Variants in NFIB observed in about 807,000 individuals in gnomAD.
The protein encoded by NFIB is nuclear factor 1 B-type.
In NFIB, 11 loss-of-function variants were observed where a neutral mutation model predicts 61.5. That is an observed-to-expected ratio of 0.18 (90% confidence interval 0.11 to 0.30). The LOEUF is 0.30. NFIB is among the 10% of genes least tolerant of loss of function. The probability of loss-of-function intolerance (pLI) is 1.00; values close to 1 mark genes in which losing one functional copy is unlikely to be tolerated. For synonymous variants in NFIB, 260 were observed against 216.5 expected (o/e 1.20, Z -1.76); for missense variants, 471 against 608.9 (o/e 0.77, Z 2.38).
the NFIB span, among the ~76,000 whole-genome samples, chr9:14,415,404 T>G: frequency 6.6e-6 from 1 of 152,186 alleles, no homozygotes; most frequent in Non-Finnish European, 1.5e-5. Context: ...TGTAACATAA[T>G]CACATGAATG....
chr9:14,235,987 TTTG>T (rs1463382394), intron 2 of NFIB, among the ~76,000 whole-genome samples: 1 of 152,204 alleles, frequency 6.6e-6, no homozygotes, highest in Non-Finnish European at 1.5e-5. Flanking sequence ...AAAAGCAGAT[TTTG>T]ATGGAAGACA....
chr9:14,491,947 G>A, the NFIB span, among the ~76,000 whole-genome samples: 1,198 of 152,248 alleles, frequency 7.9e-3, 26 homozygotes, highest in African/African-American at 0.027. Flanking sequence ...GCACCTCACA[G>A]TTTATACATC....
intron 2 of NFIB, among the ~76,000 whole-genome samples, chr9:14,234,601 C>G (rs1223506706): frequency 6.6e-6 from 1 of 151,988 alleles, no homozygotes. Flanking sequence ...AACTCTTGAC[C>G]TCTGCCCACC....
Position 14,083,778 on chromosome 9 carries a change from T to C in NFIB, c.*4531A>G, listed in dbSNP as rs1169505589. The C allele has an allele frequency of 4.4e-6, 1 of 226,486 alleles. No individual in the cohort carries two copies. Among genetic ancestry groups the C allele is most frequent in the Admixed American group, 5.7e-5 (1 of 17,546 alleles). 14.0% of individuals were successfully genotyped at this position (226,486 alleles called of 1,614,324 possible). A position where few individuals can be genotyped will look rare whatever the true frequency, so the allele number is the denominator to read the frequency against. On this transcript the variant is annotated 3_prime_UTR_variant, in exon 11 of 11. Transcript: ENST00000380953. ...CCGCTGAAGATGTCCCTGTGCAATC[T>C]CTTTCGTTGAGTCCTTATGAAGCTA...
the NFIB span, among the ~76,000 whole-genome samples, chr9:14,497,066 C>T: frequency 7.9e-5 from 12 of 152,284 alleles, no homozygotes; most frequent in African/African-American, 1.2e-4. Context: ...CACAAAGTCA[C>T]GAGAACCTGC....
At chr9:14,113,907 A>C (rs1266318075) in intron 9 of NFIB, among the ~76,000 whole-genome samples, 2 of 152,150 alleles carry the variant, frequency 1.3e-5, no homozygotes, top group African/African-American at 4.8e-5. Flanking sequence ...ACACACAAAA[A>C]AAAAATGAAT....
rs181660836 is a variant in NFIB, at chr9:14,249,204, T to A, written c.562+57785A>T. Among the ~76,000 whole-genome samples the A allele has an allele frequency of 1.6e-4, 25 of 152,258 alleles. No homozygotes were observed. The East Asian group carries it at 3.9e-3, about 24-fold the overall frequency. ...AATATTTCAAATTTAGTATTTCCAA[T>A]TACATAAACTGAGGATGGGGGTAGA... On this transcript the variant is annotated intron_variant, in intron 2 of 10. Transcript: ENST00000380953.
At position 14,354,898 on chromosome 9, in the gene NFIB, C is replaced by T. The variant is rs550799554; in HGVS notation, c.108+43626G>A. On this transcript the variant is annotated intron_variant, in intron 1 of 8. Transcript: ENST00000380934. ...GTGAAGGGAGTGTGTAGCCCTTGTC[C>T]TGTTGTGAACACTGTCACTATTCCT... 7.9e-5 allele frequency among the ~76,000 whole-genome samples: 12 copies of T among 151,656 alleles called. No homozygotes were observed. In the South Asian group the frequency reaches 2.3e-3, roughly 29 times the overall value.
At chr9:14,216,306 AG>A (rs1421456455) in intron 2 of NFIB, among the ~76,000 whole-genome samples, 1 of 152,176 alleles carries the variant, frequency 6.6e-6, no homozygotes, top group Non-Finnish European at 1.5e-5. Context: ...CCCACTGGAA[AG>A]GTGTGCATTA....
intron 2 of NFIB, among the ~76,000 whole-genome samples, chr9:14,298,227 T>G (rs2059554796): frequency 1.3e-5 from 2 of 152,162 alleles, no homozygotes; most frequent in Admixed American, 1.3e-4. Flanking sequence ...GTATACAGAT[T>G]TTTTCAGTAC....
At chr9:14,288,812 G>A (rs1000367146) in intron 2 of NFIB, among the ~76,000 whole-genome samples, 4 of 151,856 alleles carry the variant, frequency 2.6e-5, no homozygotes, top group Admixed American at 6.6e-5. Flanking sequence ...GTATTTCACC[G>A]TTTTTTCCTA....
At chr9:14,469,014 ACAGG>A in the NFIB span, among the ~76,000 whole-genome samples, 9 of 152,220 alleles carry the variant, frequency 5.9e-5, no homozygotes, top group African/African-American at 2.2e-4. Flanking sequence ...TGTGTCTGGG[ACAGG>A]CAGGCAGGCA....
At chr9:14,237,784 G>A (rs1207549516) in intron 2 of NFIB, among the ~76,000 whole-genome samples, 2 of 105,846 alleles carry the variant, frequency 1.9e-5, no homozygotes, top group African/African-American at 2.8e-5. Context: ...GTGTGTGTGT[G>A]TGTGTGTGTG....
intron 3 of NFIB, among the ~76,000 whole-genome samples, chr9:14,173,861 C>A (rs1796694461): frequency 6.6e-6 from 1 of 152,114 alleles, no homozygotes. Context: ...TTGACTCTTT[C>A]ACATTAAGTA....
At chr9:14,242,024 CA>C (rs922869786) in intron 2 of NFIB, among the ~76,000 whole-genome samples, 2 of 151,630 alleles carry the variant, frequency 1.3e-5, no homozygotes, top group Non-Finnish European at 2.9e-5. Context: ...TTTGAAAAGG[CA>C]AAAAAAATTC....
At chr9:14,273,993 T>C (rs1170287166) in intron 2 of NFIB, among the ~76,000 whole-genome samples, 1 of 152,112 alleles carries the variant, frequency 6.6e-6, no homozygotes, top group East Asian at 1.9e-4. Context: ...TGAGATCACA[T>C]CAGTGAGCAA....
upstream of NFIB, among the ~76,000 whole-genome samples, chr9:14,318,290 C>T (rs56327225): frequency 0.011 from 1,715 of 152,256 alleles, 22 homozygotes; most frequent in Non-Finnish European, 0.017. Flanking sequence ...TTTTTCAAAA[C>T]CCAGTTGTAT....
At chr9:14,246,521 C>G (rs2054946949) in intron 2 of NFIB, among the ~76,000 whole-genome samples, 1 of 152,184 alleles carries the variant, frequency 6.6e-6, no homozygotes, top group Non-Finnish European at 1.5e-5. Context: ...CCTTCAGTCC[C>G]TTTGTTGATA....
chr9:14,480,700 A>G, the NFIB span, among the ~76,000 whole-genome samples: 7 of 152,304 alleles, frequency 4.6e-5, no homozygotes, highest in African/African-American at 1.7e-4. Flanking sequence ...AAGGAGGTAA[A>G]TGAGAACAAC....
Sources: gnomAD v4.1 joint callset for allele counts (sites outside exome capture counted in the v4.1 genomes callset) on GRCh38, gnomAD v4.1.1 for gene constraint, MANE v1.5 for transcripts, NCBI Gene and HGNC (gene_info 2026-07-23, HGNC 2026-07-21) for gene names.